The following CLMN variants were observed in gnomAD, a reference collection of about 807,000 sequenced individuals.
CLMN encodes calmin (calponin-like, transmembrane).
CLMN carries 57 observed loss-of-function variants against 92.7 expected under a neutral mutation model. That is an observed-to-expected ratio of 0.61 (90% CI 0.50 to 0.77). CLMN has a LOEUF of 0.77. Among genes scored for constraint, CLMN ranks in the 30% least tolerant of loss-of-function variants. CLMN has a pLI of 0.00. For synonymous variants in CLMN, 466 were observed against 470.6 expected (o/e 0.99, Z 0.13); for missense variants, 1,158 against 1,237.5 (o/e 0.94, Z 0.96).
chr14:95,253,675 C>T (rs144701936), intron 1 of CLMN, among the ~76,000 whole-genome samples: 104 of 150,598 alleles, frequency 6.9e-4, no homozygotes, highest in Admixed American at 1.1e-3. Context: ...TGCAGTGGCG[C>T]GATCTCGGCT....
rs1896532016 is a variant in CLMN at position 95,190,364 on chromosome 14, G to C, written c.*1200C>G. On this transcript the variant is annotated 3_prime_UTR_variant, in exon 13 of 13. Transcript: ENST00000298912. ...TGGTCAAGCTGCTCTGTCTCTCTGG[G>C]TCCAGCTAGACAAGATGCTCACTGA... 1 of 152,248 alleles carries C rather than the reference G, an allele frequency of 6.6e-6. No individual in the cohort carries two copies. Among genetic ancestry groups the C allele is most frequent in the Non-Finnish European group, 1.5e-5 (1 of 68,102 alleles). The allele number at this position is 152,248 out of a possible 1,614,324, so 9.4% of individuals were successfully genotyped here. A position where few individuals can be genotyped will look rare whatever the true frequency, so the allele number is the denominator to read the frequency against.
At chr14:95,276,930 A>G (rs995903994) in intron 1 of CLMN, among the ~76,000 whole-genome samples, 1 of 130,498 alleles carries the variant, frequency 7.7e-6, no homozygotes, top group Non-Finnish European at 1.6e-5. Flanking sequence ...ATGGTTCCAT[A>G]AAAGTGAAAA....
chr14:95,187,062 T>G lies in CLMN; in HGVS notation c.*4502A>C, dbSNP rs1176583116. 1 of 152,242 alleles carries G rather than the reference T, an allele frequency of 6.6e-6. No homozygotes were observed. The highest frequency in any genetic ancestry group is 2.4e-5 in the African/African-American group (1 of 41,444). 9.4% of individuals were successfully genotyped at this position (152,242 alleles called of 1,614,324 possible). ...TTAGCCATGCTATGTATCCCTCTCCTGCACTTGGCACAGCATTACACAAAA... is the reference window on the plus strand; with the variant it reads ...TTAGCCATGCTATGTATCCCTCTCCGGCACTTGGCACAGCATTACACAAAA... On this transcript the variant is annotated 3_prime_UTR_variant, in exon 13 of 13. Transcript: ENST00000298912.
At chr14:95,258,820 GTGTT>G (rs1899127947) in intron 1 of CLMN, among the ~76,000 whole-genome samples, 1 of 147,494 alleles carries the variant, frequency 6.8e-6, no homozygotes, top group African/African-American at 2.5e-5. Context: ...TGTGGAAGGT[GTGTT>G]TGTGTGTGGT....
chr14:95,202,354 A>C (rs1297197170), intron 9 of CLMN, among the ~76,000 whole-genome samples: 1 of 152,104 alleles, frequency 6.6e-6, no homozygotes, highest in East Asian at 1.9e-4. Context: ...TTTGATTTTT[A>C]AAGGACTTAT....
At chr14:95,314,659 T>C (rs1185839625) in intron 1 of CLMN, among the ~76,000 whole-genome samples, 1 of 152,240 alleles carries the variant, frequency 6.6e-6, no homozygotes, top group Non-Finnish European at 1.5e-5. Context: ...GTCTTGGTTG[T>C]GGCTTCCGCA....
At chr14:95,220,731 C>T (rs1897510074) in intron 4 of CLMN, among the ~76,000 whole-genome samples, 3 of 152,198 alleles carry the variant, frequency 2.0e-5, no homozygotes, top group Non-Finnish European at 2.9e-5. Flanking sequence ...GGGCTGAGGC[C>T]CAGGCTGTGC....
At position 95,188,617 on chromosome 14, in the gene CLMN, A is replaced by G. The variant is rs1896492286; in HGVS notation, c.*2947T>C. The G allele has an allele frequency of 6.6e-6, 1 of 152,222 alleles. No homozygotes were observed. Among genetic ancestry groups the G allele is most frequent in the Admixed American group, 6.5e-5 (1 of 15,282 alleles). The allele number at this position is 152,222 out of a possible 1,614,324, so 9.4% of individuals were successfully genotyped here. On this transcript the variant is annotated 3_prime_UTR_variant, in exon 13 of 13. Transcript: ENST00000298912. Reference sequence around the variant, plus strand: ...GAAAGAAAGAATGTAAATAATCACAAGAAAATTTAAGAAATTTCCCATGAA... The same window carrying G: ...GAAAGAAAGAATGTAAATAATCACAGGAAAATTTAAGAAATTTCCCATGAA...
chr14:95,263,898 G>A (rs1424508029), intron 1 of CLMN, among the ~76,000 whole-genome samples: 2 of 152,262 alleles, frequency 1.3e-5, no homozygotes, highest in East Asian at 3.9e-4. Context: ...GTCGGTTATG[G>A]TCATTGTCAC....
At chr14:95,304,063 C>A (rs1350373630) in intron 1 of CLMN, among the ~76,000 whole-genome samples, 1 of 152,198 alleles carries the variant, frequency 6.6e-6, no homozygotes, top group Admixed American at 6.5e-5. Flanking sequence ...TTCAGCCAGA[C>A]GTGGTGGCTC....
chr14:95,316,172 C>T (rs1330570171), intron 1 of CLMN, among the ~76,000 whole-genome samples: 8 of 152,246 alleles, frequency 5.3e-5, no homozygotes, highest in Admixed American at 4.6e-4. Context: ...CCACCTCTAA[C>T]ATCAGTTCTA....
intron 1 of CLMN, among the ~76,000 whole-genome samples, chr14:95,319,429 G>A (rs1901942998): frequency 6.6e-6 from 1 of 152,132 alleles, no homozygotes; most frequent in African/African-American, 2.4e-5. Flanking sequence ...AGCGGTGACT[G>A]GAGGGGGTGG....
chr14:95,264,924 A>G (rs1899410209), intron 1 of CLMN, among the ~76,000 whole-genome samples: 1 of 140,608 alleles, frequency 7.1e-6, no homozygotes, highest in Non-Finnish European at 1.5e-5. Flanking sequence ...TCTCATGATA[A>G]CTCTCCATCT....
At chr14:95,235,053 A>G (rs1052236308) in intron 1 of CLMN, among the ~76,000 whole-genome samples, 6 of 152,242 alleles carry the variant, frequency 3.9e-5, no homozygotes, top group African/African-American at 9.6e-5. Context: ...AAAAGCATAG[A>G]GAAAAATATC....
Position 95,193,450 on chromosome 14 carries a change from G to T in CLMN, c.2840+399C>A, listed in dbSNP as rs989935439. The T allele has an allele frequency of 3.0e-6, 4 of 1,354,546 alleles. No individual in the cohort carries two copies. In the East Asian group the frequency reaches 7.5e-5, roughly 25 times the overall value. The allele number at this position is 1,354,546 out of a possible 1,614,324, so 83.9% of individuals were successfully genotyped here. A position where few individuals can be genotyped will look rare whatever the true frequency, so the allele number is the denominator to read the frequency against. On this transcript the variant is annotated intron_variant, in intron 12 of 12. Transcript: ENST00000298912. ...CAACAGAGAATGGACAGGCGTCAGG[G>T]GCTACAGCATTCACAGGGGCCACAC...
In CLMN at chr14:95,203,344, G is replaced by A. The variant is rs542040555; in HGVS notation, c.2005C>T (p.His669Tyr). Reference sequence around the variant, plus strand: ...TCGTCTTCTCCCTCTTCCTCATAATGAGGACGGGTGGACTTTCTCTTGGCC... The same window carrying A: ...TCGTCTTCTCCCTCTTCCTCATAATAAGGACGGGTGGACTTTCTCTTGGCC... Reference protein sequence around the residue: ...EKAKRKSTRPHYEEEGEDDDL... With the variant: ...EKAKRKSTRPYYEEEGEDDDL... The change falls in exon 9 of 13, where the codon CAT becomes TAT. Residue 669 changes from histidine to tyrosine, a missense_variant. Physicochemically the swap from His to Tyr is moderately conservative, Grantham distance 83. Coordinates refer to ENST00000298912, the MANE Select transcript of CLMN (RefSeq NM_024734.4). The A allele has an allele frequency of 4.5e-5, 73 of 1,614,040 alleles. No homozygotes were observed. The South Asian group carries it at 7.2e-4, about 16-fold the overall frequency.
intron 1 of CLMN, among the ~76,000 whole-genome samples, chr14:95,274,260 A>T (rs988620920): frequency 6.6e-6 from 1 of 151,942 alleles, no homozygotes; most frequent in Admixed American, 6.6e-5. Flanking sequence ...TTTGGTTTCC[A>T]TCGTTCTGCT....
intron 2 of CLMN, among the ~76,000 whole-genome samples, chr14:95,228,249 C>T (rs1266891941): frequency 3.3e-5 from 5 of 152,156 alleles, no homozygotes; most frequent in Admixed American, 1.3e-4. Context: ...ACACATCAGG[C>T]ATTAATTTAA....
rs114993224 is a variant in CLMN at position 95,258,039 on chromosome 14, G to A, written c.83-27906C>T. 8.5e-3 allele frequency among the ~76,000 whole-genome samples: 1,286 copies of A among 151,958 alleles called. 22 individuals are homozygous for A. Among genetic ancestry groups the A allele is most frequent in the African/African-American group, 0.029 (1,212 of 41,428 alleles). ...GGGGCTGTGGGCATGAGTGTGGTGC[G>A]AGTGTGCAGAATAGGTGGTATGCGT... On this transcript the variant is annotated intron_variant, in intron 1 of 12. Coordinates refer to ENST00000298912, the MANE Select transcript of CLMN (RefSeq NM_024734.4).
Sources: allele counts gnomAD v4.1 joint callset (sites outside exome capture counted in the v4.1 genomes callset), GRCh38; gene constraint gnomAD v4.1.1; transcripts MANE v1.5; gene names NCBI Gene and HGNC (gene_info 2026-07-23, HGNC 2026-07-21).